Variants in FHIT observed in about 807,000 individuals in gnomAD.
The protein encoded by FHIT is fragile histidine triad diadenosine triphosphatase.
Under a neutral mutation model 17.9 loss-of-function variants are expected in FHIT, and 19 were observed. The observed-to-expected ratio is 1.06, with a 90% CI of 0.74 to 1.56. The LOEUF is 1.56. Among genes scored for constraint, FHIT ranks in the 40% most tolerant of loss-of-function variants. The pLI is 0.00. For missense variants in FHIT, 248 were observed against 189.2 expected (o/e 1.31, Z -1.82); for synonymous variants, 81 against 69.7 (o/e 1.16, Z -0.81).
chr3:60,342,478 A>G (rs1710573968), intron 5 of FHIT, among the ~76,000 whole-genome samples: 1 of 152,242 alleles, frequency 6.6e-6, no homozygotes, highest in South Asian at 2.1e-4. Flanking sequence ...TTACCATTTT[A>G]ATGTTTAAAT....
chr3:60,379,450 C>T (rs2687164), intron 5 of FHIT, among the ~76,000 whole-genome samples: 82 of 152,168 alleles, frequency 5.4e-4, no homozygotes, highest in African/African-American at 1.7e-3. Context: ...TATGAAAATA[C>T]GTTACATGAT....
At chr3:59,928,968 C>A (rs548368603) in intron 7 of FHIT, among the ~76,000 whole-genome samples, 1 of 128,516 alleles carries the variant, frequency 7.8e-6, no homozygotes, top group East Asian at 2.4e-4. Context: ...GCACTCCAGC[C>A]TGGGCGACAG....
At chr3:60,890,874 C>G (rs536710358) in intron 3 of FHIT, among the ~76,000 whole-genome samples, 15 of 152,160 alleles carry the variant, frequency 9.9e-5, no homozygotes, top group Admixed American at 9.8e-4. Context: ...GAAGCTCTGC[C>G]AAAACTCAAA....
chr3:60,367,318 A>G (rs1303663234), intron 5 of FHIT, among the ~76,000 whole-genome samples: 1 of 152,192 alleles, frequency 6.6e-6, no homozygotes, highest in Non-Finnish European at 1.5e-5. Flanking sequence ...CTGGGACCAA[A>G]TAGCTAACAC....
chr3:61,080,928 T>C (rs1236898221), intron 2 of FHIT, among the ~76,000 whole-genome samples: 1 of 152,026 alleles, frequency 6.6e-6, no homozygotes, highest in Non-Finnish European at 1.5e-5. Flanking sequence ...TGTCAAAGGA[T>C]CACGGCAAAA....
intron 2 of FHIT, among the ~76,000 whole-genome samples, chr3:61,106,979 T>C (rs2036009926): frequency 6.6e-6 from 1 of 152,154 alleles, no homozygotes; most frequent in Non-Finnish European, 1.5e-5. Flanking sequence ...TTTTTTATAG[T>C]GAGAACACTT....
intron 5 of FHIT, among the ~76,000 whole-genome samples, chr3:60,491,550 A>C (rs1427630619): frequency 6.6e-6 from 1 of 152,230 alleles, no homozygotes; most frequent in Non-Finnish European, 1.5e-5. Flanking sequence ...TCAGACAATC[A>C]ATTCATATAA....
intron 5 of FHIT, among the ~76,000 whole-genome samples, chr3:60,475,255 A>G (rs2033286859): frequency 6.6e-6 from 1 of 152,156 alleles, no homozygotes; most frequent in Non-Finnish European, 1.5e-5. Flanking sequence ...ACTGAAAAGG[A>G]GACAAAGCAA....
At chr3:60,083,975 C>T (rs376406565) in intron 5 of FHIT, among the ~76,000 whole-genome samples, 10 of 152,306 alleles carry the variant, frequency 6.6e-5, no homozygotes, top group African/African-American at 2.4e-4. Context: ...GTATTCTCTT[C>T]TGTGATAACT....
At chr3:60,852,117 A>G (rs1158214374) in intron 3 of FHIT, among the ~76,000 whole-genome samples, 3 of 152,150 alleles carry the variant, frequency 2.0e-5, no homozygotes, top group Non-Finnish European at 4.4e-5. Flanking sequence ...AATCAGCTGA[A>G]GGCTTGATTA....
At chr3:60,113,626 A>G (rs76912682) in intron 5 of FHIT, among the ~76,000 whole-genome samples, 4,458 of 151,848 alleles carry the variant, frequency 0.029, 274 homozygotes, top group African/African-American at 0.1. Context: ...AGTATCATGA[A>G]AAGTGTTTTG....
intron 5 of FHIT, among the ~76,000 whole-genome samples, chr3:60,164,327 C>A (rs936471912): frequency 6.6e-6 from 1 of 152,070 alleles, no homozygotes; most frequent in East Asian, 1.9e-4. Context: ...GGCAGCAGGG[C>A]CCTAATTAAA....
At chr3:61,216,740 G>A (rs537201528) in intron 1 of FHIT, among the ~76,000 whole-genome samples, 28 of 150,668 alleles carry the variant, frequency 1.9e-4, no homozygotes, top group African/African-American at 4.4e-4. Context: ...ACTTGGAACC[G>A]ACCCAAATGT....
intron 3 of FHIT, among the ~76,000 whole-genome samples, chr3:60,959,134 A>C (rs1709297648): frequency 3.3e-5 from 5 of 152,196 alleles, no homozygotes; most frequent in African/African-American, 1.2e-4. Context: ...ATTTATGATT[A>C]TTTAAAGGCT....
At chr3:60,239,904 A>G (rs778913691) in intron 5 of FHIT, among the ~76,000 whole-genome samples, 2 of 152,174 alleles carry the variant, frequency 1.3e-5, no homozygotes, top group Non-Finnish European at 2.9e-5. Context: ...TACTCTCCCT[A>G]TTATTGGCCT....
intron 1 of FHIT, among the ~76,000 whole-genome samples, chr3:61,245,672 C>G (rs1180760062): frequency 6.6e-6 from 1 of 152,148 alleles, no homozygotes; most frequent in Non-Finnish European, 1.5e-5. Flanking sequence ...CATAATGCAT[C>G]CATACTTTTT....
chr3:60,843,856 G>C (rs1208688356), intron 3 of FHIT, among the ~76,000 whole-genome samples: 1 of 151,990 alleles, frequency 6.6e-6, no homozygotes, highest in African/African-American at 2.4e-5. Flanking sequence ...GTGGGCTCTG[G>C]GTAGAGTATA....
chr3:61,069,944 GA>G (rs566612266), intron 2 of FHIT, among the ~76,000 whole-genome samples: 90 of 152,268 alleles, frequency 5.9e-4, no homozygotes, highest in African/African-American at 2.1e-3. Flanking sequence ...TTTTGAGACA[GA>G]GTCTCACCTA....
chr3:60,236,813 C>T (rs1704823375), intron 5 of FHIT, among the ~76,000 whole-genome samples: 1 of 152,078 alleles, frequency 6.6e-6, no homozygotes, highest in Admixed American at 6.6e-5. Context: ...ATCCACTTTC[C>T]TCCCCAAAAG....
Sources: gnomAD v4.1 joint callset for allele counts (sites outside exome capture counted in the v4.1 genomes callset) on GRCh38, gnomAD v4.1.1 for gene constraint, MANE v1.5 for transcripts, NCBI Gene and HGNC (gene_info 2026-07-23, HGNC 2026-07-21) for gene names.